Variants in OTUD7B observed in about 807,000 individuals in gnomAD.
The protein encoded by OTUD7B is OTU domain-containing protein 7B.
OTUD7B carries 34 observed loss-of-function variants against 82.2 expected under a neutral mutation model. That is an observed-to-expected ratio of 0.41 (90% CI 0.31 to 0.55). OTUD7B has a LOEUF of 0.55. Among genes scored for constraint, OTUD7B ranks in the 20% least tolerant of loss-of-function variants. The probability of loss-of-function intolerance (pLI) is 0.20; values close to 1 mark genes in which losing one functional copy is unlikely to be tolerated. For missense variants in OTUD7B, 944 were observed against 1,062.1 expected (o/e 0.89, Z 1.55); for synonymous variants, 398 against 402.7 (o/e 0.99, Z 0.14).
At chr1:149,948,380 T>TTC (rs2101735005) in intron 10 of OTUD7B, among the ~76,000 whole-genome samples, 1 of 150,644 alleles carries the variant, frequency 6.6e-6, no homozygotes, top group East Asian at 1.9e-4. Context: ...TTCTTTCTTT[T>TTC]TTTTTTTTTG....
At chr1:149,998,184 C>T (rs1300228581) in intron 1 of OTUD7B, among the ~76,000 whole-genome samples, 1 of 152,188 alleles carries the variant, frequency 6.6e-6, no homozygotes, top group Non-Finnish European at 1.5e-5. Context: ...AATCTCTCCC[C>T]CTTTCTGCAT....
At chr1:149,973,334 G>A (rs1421835129) in intron 2 of OTUD7B, among the ~76,000 whole-genome samples, 4 of 152,184 alleles carry the variant, frequency 2.6e-5, no homozygotes, top group African/African-American at 9.7e-5. Context: ...TGAGATGGGA[G>A]GCTCACTTGA....
At chr1:149,972,964 A>G (rs587648137) in intron 2 of OTUD7B, among the ~76,000 whole-genome samples, 23 of 152,248 alleles carry the variant, frequency 1.5e-4, no homozygotes, top group Non-Finnish European at 2.8e-4. Context: ...CAATCCCTCC[A>G]GGCCCTGAAA....
At chr1:149,996,030 A>G (rs1264902838) in intron 1 of OTUD7B, among the ~76,000 whole-genome samples, 2 of 152,236 alleles carry the variant, frequency 1.3e-5, no homozygotes, top group African/African-American at 4.8e-5. Flanking sequence ...CTGCATACTC[A>G]TCAGAGAGAA....
At chr1:149,954,976 G>C (rs1285832788) in intron 7 of OTUD7B, among the ~76,000 whole-genome samples, 2 of 151,960 alleles carry the variant, frequency 1.3e-5, no homozygotes, top group Non-Finnish European at 2.9e-5. Flanking sequence ...AAATTTTGTT[G>C]ATCTTTTCAA....
At chr1:150,012,536 T>A (rs587773367), upstream of OTUD7B, among the ~76,000 whole-genome samples, 1 of 152,320 alleles carries the variant, frequency 6.6e-6, no homozygotes, top group African/African-American at 2.4e-5. Flanking sequence ...GTTATACCCA[T>A]ATAAATATGT....
At chr1:149,989,019 T>C (rs1165404958) in intron 1 of OTUD7B, among the ~76,000 whole-genome samples, 1 of 152,214 alleles carries the variant, frequency 6.6e-6, no homozygotes, top group East Asian at 1.9e-4. Flanking sequence ...CATTTCACTA[T>C]AAATTACAGA....
chr1:149,972,428 T>C lies in OTUD7B; in HGVS notation c.86-1177A>G, dbSNP rs587722486. Among the ~76,000 whole-genome samples the C allele has an allele frequency of 4.6e-5, 7 of 152,204 alleles. No individual in the cohort carries two copies. In the East Asian group the frequency reaches 1.4e-3, roughly 29 times the overall value. ...TAGGGCCTTTCCACTGACTATTCCC[T>C]CTACCTAGAAGGCTCTTTCCCCAAT... On this transcript the variant is annotated intron_variant, in intron 2 of 11. Transcript: ENST00000581312.
Position 149,986,563 on chromosome 1 carries a change from C to T in OTUD7B, c.-66-8987G>A, listed in dbSNP as rs587666123. On this transcript the variant is annotated intron_variant, in intron 1 of 11. Coordinates refer to ENST00000581312, the MANE Select transcript of OTUD7B (RefSeq NM_020205.4). ...CTCTCATTTACAACATCCCCCAAAGCTTCCAGAGTTTCACTCTCTAACCGT... is the reference window on the plus strand; with the variant it reads ...CTCTCATTTACAACATCCCCCAAAGTTTCCAGAGTTTCACTCTCTAACCGT... 2.6e-5 allele frequency among the ~76,000 whole-genome samples: 4 copies of T among 152,344 alleles called. No individual in the cohort carries two copies. In the East Asian group the frequency reaches 7.7e-4, roughly 29 times the overall value.
At chr1:149,995,707 T>A (rs1264461526) in intron 1 of OTUD7B, among the ~76,000 whole-genome samples, 7 of 152,318 alleles carry the variant, frequency 4.6e-5, no homozygotes, top group Non-Finnish European at 7.3e-5. Context: ...GCATTTTTTT[T>A]ATGCTTTCTA....
chr1:149,993,758 A>G (rs1651751136), intron 1 of OTUD7B, among the ~76,000 whole-genome samples: 1 of 152,200 alleles, frequency 6.6e-6, no homozygotes, highest in Non-Finnish European at 1.5e-5. Flanking sequence ...GATACATTTT[A>G]AAATATCTAT....
the OTUD7B span, among the ~76,000 whole-genome samples, chr1:150,042,242 G>A: frequency 1.6e-4 from 24 of 150,478 alleles, 1 homozygote; most frequent in African/African-American, 5.1e-4. Flanking sequence ...GCGCGGACTC[G>A]ACTCACTGCA....
intron 1 of OTUD7B, among the ~76,000 whole-genome samples, chr1:149,978,305 G>C (rs1650465239): frequency 6.6e-6 from 1 of 152,170 alleles, no homozygotes; most frequent in South Asian, 2.1e-4. Context: ...TCAGGAGTTT[G>C]AGACCAGCCT....
chr1:150,035,733 C>T, the OTUD7B span, among the ~76,000 whole-genome samples: 260 of 152,238 alleles, frequency 1.7e-3, no homozygotes, highest in African/African-American at 6.1e-3. Context: ...TAACAATATC[C>T]TCATGGGACA....
At chr1:149,988,227 T>A (rs1651291630) in intron 1 of OTUD7B, among the ~76,000 whole-genome samples, 1 of 152,162 alleles carries the variant, frequency 6.6e-6, no homozygotes, top group Non-Finnish European at 1.5e-5. Context: ...AACTCAATCA[T>A]ATAACCACTC....
chr1:149,958,652 C>T (rs1648901569), intron 7 of OTUD7B, among the ~76,000 whole-genome samples: 1 of 152,084 alleles, frequency 6.6e-6, no homozygotes, highest in Non-Finnish European at 1.5e-5. Context: ...CCATTAATAT[C>T]ACATTTTATA....
At chr1:150,036,670 A>G in the OTUD7B span, among the ~76,000 whole-genome samples, 4 of 152,226 alleles carry the variant, frequency 2.6e-5, no homozygotes, top group Non-Finnish European at 5.9e-5. Context: ...GCTACAGTGA[A>G]TATGAAAAAT....
chr1:150,031,195 A>G, the OTUD7B span, among the ~76,000 whole-genome samples: 1 of 152,250 alleles, frequency 6.6e-6, no homozygotes, highest in African/African-American at 2.4e-5. Context: ...TTTAAGTAAC[A>G]TGAAAGAGCA....
At chr1:150,041,257 A>T in the OTUD7B span, among the ~76,000 whole-genome samples, 1 of 152,172 alleles carries the variant, frequency 6.6e-6, no homozygotes, top group African/African-American at 2.4e-5. Flanking sequence ...AATATGCAAT[A>T]CATTAGTATG....
Sources: gnomAD v4.1 joint callset for allele counts (sites outside exome capture counted in the v4.1 genomes callset) on GRCh38, gnomAD v4.1.1 for gene constraint, MANE v1.5 for transcripts, NCBI Gene and HGNC (gene_info 2026-07-23, HGNC 2026-07-21) for gene names.